CNTNAP5: variants seen among roughly 807,000 people sequenced by gnomAD.
CNTNAP5 encodes contactin associated protein family member 5, also known as contactin-associated protein-like 5.
Under a neutral mutation model 150.2 loss-of-function variants are expected in CNTNAP5, and 72 were observed. The ratio of observed to expected loss-of-function variants is 0.48; its 90% CI spans 0.40 to 0.58. CNTNAP5 has a LOEUF of 0.58. Ranked by LOEUF, CNTNAP5 falls within the 20% of genes least tolerant of loss-of-function variation. The probability of loss-of-function intolerance (pLI) is 0.00; values close to 1 mark genes in which losing one functional copy is unlikely to be tolerated. For synonymous variants in CNTNAP5, 672 were observed against 619.8 expected (o/e 1.08, Z -1.25); for missense variants, 1,636 against 1,626.2 (o/e 1.01, Z -0.10).
At chr2:124,443,446 A>T (rs1169497601) in intron 5 of CNTNAP5, among the ~76,000 whole-genome samples, 1 of 151,994 alleles carries the variant, frequency 6.6e-6, no homozygotes, top group African/African-American at 2.4e-5. Flanking sequence ...AGTGTAAAAA[A>T]TTAAATGAGT....
At chr2:124,765,227 CA>C (rs1200961570) in intron 16 of CNTNAP5, among the ~76,000 whole-genome samples, 9 of 151,884 alleles carry the variant, frequency 5.9e-5, no homozygotes, top group South Asian at 4.2e-4. Context: ...TCTCTGCAAG[CA>C]AAAAAATTCT....
chr2:124,285,022 G>T (rs373903091), intron 3 of CNTNAP5, among the ~76,000 whole-genome samples: 1 of 152,102 alleles, frequency 6.6e-6, no homozygotes, highest in Admixed American at 6.5e-5. Context: ...GGCTCAAGCA[G>T]TCCTCCCACC....
At chr2:124,406,744 ATGTTGT>A (rs1691581705) in intron 3 of CNTNAP5, among the ~76,000 whole-genome samples, 1 of 152,198 alleles carries the variant, frequency 6.6e-6, no homozygotes, top group African/African-American at 2.4e-5. Context: ...TATATAATAC[ATGTTGT>A]TGTTAACTAT....
chr2:124,389,013 A>G (rs1250084635), intron 3 of CNTNAP5, among the ~76,000 whole-genome samples: 2 of 152,198 alleles, frequency 1.3e-5, no homozygotes, highest in African/African-American at 4.8e-5. Flanking sequence ...CGATGTCAAC[A>G]GGACCAGAGA....
At chr2:124,811,707 G>GGC (rs1553445027) in intron 19 of CNTNAP5, among the ~76,000 whole-genome samples, 1 of 15,710 alleles carries the variant, frequency 6.4e-5, no homozygotes, top group East Asian at 7.6e-3. Context: ...TTTAGGAGGC[G>GGC]GGGGGGGTGG....
chr2:124,516,969 A>T (rs943975028), intron 8 of CNTNAP5, among the ~76,000 whole-genome samples: 1 of 152,180 alleles, frequency 6.6e-6, no homozygotes, highest in Admixed American at 6.5e-5. Context: ...CCAAGGGAAG[A>T]TTTCCATTCC....
At chr2:124,503,953 G>A (rs1012501787) in intron 7 of CNTNAP5, among the ~76,000 whole-genome samples, 4 of 152,146 alleles carry the variant, frequency 2.6e-5, no homozygotes, top group Admixed American at 1.3e-4. Context: ...TCCACATTGT[G>A]AGCTTGGCAC....
intron 13 of CNTNAP5, among the ~76,000 whole-genome samples, chr2:124,740,298 T>G (rs902503096): frequency 6.6e-6 from 1 of 152,164 alleles, no homozygotes; most frequent in African/African-American, 2.4e-5. Context: ...AATAGTTTCT[T>G]CAAAGTTCTA....
intron 1 of CNTNAP5, among the ~76,000 whole-genome samples, chr2:124,127,393 C>T (rs1358656679): frequency 6.6e-6 from 1 of 152,130 alleles, no homozygotes; most frequent in African/African-American, 2.4e-5. Flanking sequence ...CAGACCACTC[C>T]TCAACAAAGT....
chr2:124,525,434 A>C (rs1037118390), intron 9 of CNTNAP5, among the ~76,000 whole-genome samples: 1 of 152,246 alleles, frequency 6.6e-6, no homozygotes, highest in Admixed American at 6.5e-5. Context: ...TATAGATATA[A>C]GTCAGGGTCT....
At chr2:124,357,777 C>T (rs1193049117) in intron 3 of CNTNAP5, among the ~76,000 whole-genome samples, 1 of 145,472 alleles carries the variant, frequency 6.9e-6, no homozygotes, top group Non-Finnish European at 1.5e-5. Context: ...TTAGGATTGC[C>T]TTGGCGATGC....
intron 21 of CNTNAP5, among the ~76,000 whole-genome samples, chr2:124,878,366 T>C (rs1191867945): frequency 6.6e-6 from 1 of 152,074 alleles, no homozygotes; most frequent in African/African-American, 2.4e-5. Flanking sequence ...ATTATGACAA[T>C]TATAATTCCA....
rs1215608612 is a variant in CNTNAP5 at position 124,670,165 on chromosome 2, CT to C, written c.2077+22209del. Reference sequence around the variant, plus strand: ...CCTTCCTTCCTTCCTTCCTTCCTTCCTTCCTTCCTTCCTCCCTCTCTTTCTC... The same window carrying C: ...CCTTCCTTCCTTCCTTCCTTCCTTCCTCCTTCCTTCCTCCCTCTCTTTCTC... On this transcript the variant is annotated intron_variant, in intron 13 of 23. Transcript: ENST00000682447. Among the ~76,000 whole-genome samples, 147 of 135,220 alleles carry C rather than the reference CT, an allele frequency of 1.1e-3. 1 individual carries two copies. Among genetic ancestry groups the C allele is most frequent in the African/African-American group, 4.0e-3 (137 of 34,278 alleles). 88.7% of individuals were successfully genotyped at this position (135,220 alleles called of 152,430 possible).
chr2:124,505,569 C>G (rs557376517), intron 8 of CNTNAP5, among the ~76,000 whole-genome samples: 1 of 152,128 alleles, frequency 6.6e-6, no homozygotes, highest in Admixed American at 6.5e-5. Context: ...TTGGGAAACA[C>G]TGATTCATTG....
chr2:124,643,201 T>A (rs888363283), intron 12 of CNTNAP5, among the ~76,000 whole-genome samples: 17 of 152,208 alleles, frequency 1.1e-4, no homozygotes, highest in African/African-American at 4.1e-4. Flanking sequence ...AATCTCCAAA[T>A]GCAGTCCTCT....
intron 18 of CNTNAP5, among the ~76,000 whole-genome samples, chr2:124,790,425 C>A (rs942121449): frequency 6.6e-6 from 1 of 152,192 alleles, no homozygotes; most frequent in African/African-American, 2.4e-5. Context: ...CTGTTGTTAG[C>A]TAGATTGTTA....
At chr2:124,049,276 A>G (rs774209237) in intron 1 of CNTNAP5, among the ~76,000 whole-genome samples, 1 of 152,184 alleles carries the variant, frequency 6.6e-6, no homozygotes, top group Non-Finnish European at 1.5e-5. Flanking sequence ...GGAAGGCTTC[A>G]TGTTGCTCTG....
rs1009737082 is a variant in CNTNAP5, at chr2:124,919,137, G to C, written c.*4849G>C. Among the ~76,000 whole-genome samples, 1 of 151,856 alleles carries C rather than the reference G, an allele frequency of 6.6e-6. No homozygotes were observed. The highest frequency in any genetic ancestry group is 2.4e-5 in the African/African-American group (1 of 41,362). ...GAAAAAATGCAACACACACACGCACGCTCACATGCACACTTTGTACAAATA... is the reference window on the plus strand; with the variant it reads ...GAAAAAATGCAACACACACACGCACCCTCACATGCACACTTTGTACAAATA... On this transcript the variant is annotated 3_prime_UTR_variant, in exon 24 of 24. Coordinates refer to ENST00000682447, the MANE Select transcript of CNTNAP5 (RefSeq NM_001367498.1).
chr2:124,703,476 C>T lies in CNTNAP5; in HGVS notation c.2078-43753C>T, dbSNP rs552999184. 3.5e-4 allele frequency among the ~76,000 whole-genome samples: 54 copies of T among 152,114 alleles called. 1 individual carries two copies. The highest frequency in any genetic ancestry group is 4.6e-4 in the Admixed American group (7 of 15,264). The stretch of plus-strand genomic sequence containing the variant: ...TGATACTTTAACAATGAAGAAAGTA[C>T]GAGTATCATAAAAGAAGTAGCATAA... On this transcript the variant is annotated intron_variant, in intron 13 of 23. Coordinates refer to ENST00000682447, the MANE Select transcript of CNTNAP5 (RefSeq NM_001367498.1).
Sources: allele counts gnomAD v4.1 joint callset (sites outside exome capture counted in the v4.1 genomes callset), GRCh38; gene constraint gnomAD v4.1.1; transcripts MANE v1.5; gene names NCBI Gene and HGNC (gene_info 2026-07-23, HGNC 2026-07-21).